PLXDC2: variants seen among roughly 807,000 people sequenced by gnomAD.
PLXDC2 encodes the protein plexin domain containing 2, also known as plexin domain-containing protein 2.
Under a neutral mutation model 68.9 loss-of-function variants are expected in PLXDC2, and 40 were observed. That is an observed-to-expected ratio of 0.58 (90% CI 0.45 to 0.76). PLXDC2 has a LOEUF of 0.76. Among genes scored for constraint, PLXDC2 ranks in the 30% least tolerant of loss-of-function variants. The pLI is 0.00. For synonymous variants in PLXDC2, 243 were observed against 234.2 expected, an observed-to-expected ratio of 1.04 and a Z score of -0.34; for missense variants, 644 against 661.9, an observed-to-expected ratio of 0.97 and a Z score of 0.30.
intron 1 of PLXDC2, among the ~76,000 whole-genome samples, chr10:19,827,848 C>T (rs950285396): frequency 2.0e-5 from 3 of 152,146 alleles, no homozygotes; most frequent in Non-Finnish European, 4.4e-5. Flanking sequence ...CATGAGCCAC[C>T]GCGCCCAGCC....
intron 4 of PLXDC2, among the ~76,000 whole-genome samples, chr10:20,118,516 A>T (rs1833652115): frequency 1.3e-5 from 2 of 152,204 alleles, no homozygotes; most frequent in East Asian, 1.9e-4. Context: ...GACCAATAGG[A>T]CATGTCAGGA....
chr10:20,118,127 CACACA>C (rs765351514), intron 4 of PLXDC2, among the ~76,000 whole-genome samples: 4,009 of 151,914 alleles, frequency 0.026, 76 homozygotes, highest in South Asian at 0.072. Context: ...CACACACACA[CACACA>C]CACACAGACA....
At position 19,935,431 on chromosome 10, in the gene PLXDC2, TC is replaced by T. The variant is rs529681583; in HGVS notation, c.113-66342del. Among the ~76,000 whole-genome samples, 148 of 152,296 alleles carry T rather than the reference TC, an allele frequency of 9.7e-4. 1 individual carries two copies. Among genetic ancestry groups the T allele is most frequent in the African/African-American group, 3.5e-3 (146 of 41,570 alleles). The stretch of plus-strand genomic sequence containing the variant: ...AACCCAAGGATGCATGAGCTCCAGC[TC>T]CTCACCTTTCATCTTAGAGAGAAAT... On this transcript the variant is annotated intron_variant, in intron 1 of 13. Coordinates refer to ENST00000377252, the MANE Select transcript of PLXDC2 (RefSeq NM_032812.9).
At chr10:20,081,577 T>C (rs1350607126) in intron 4 of PLXDC2, among the ~76,000 whole-genome samples, 3 of 152,130 alleles carry the variant, frequency 2.0e-5, no homozygotes, top group Admixed American at 6.5e-5. Context: ...AACTGACAGA[T>C]GTCAAACTAG....
At chr10:20,079,787 G>T (rs1836518752) in intron 4 of PLXDC2, among the ~76,000 whole-genome samples, 1 of 152,088 alleles carries the variant, frequency 6.6e-6, no homozygotes, top group Admixed American at 6.6e-5. Context: ...CCGTCAGGGG[G>T]TAGGGGACAA....
intron 13 of PLXDC2, among the ~76,000 whole-genome samples, chr10:20,278,394 A>C (rs1403430855): frequency 6.6e-6 from 1 of 152,142 alleles, no homozygotes; most frequent in Admixed American, 6.5e-5. Context: ...CCACCTCCCT[A>C]GAGGTGCTTA....
chr10:19,911,813 A>G (rs1833276743), intron 1 of PLXDC2, among the ~76,000 whole-genome samples: 1 of 152,190 alleles, frequency 6.6e-6, no homozygotes, highest in Non-Finnish European at 1.5e-5. Context: ...CAATGAAAAT[A>G]TATTACAATT....
intron 1 of PLXDC2, among the ~76,000 whole-genome samples, chr10:19,872,866 T>A (rs2131344156): frequency 6.6e-6 from 1 of 152,272 alleles, no homozygotes; most frequent in South Asian, 2.1e-4. Context: ...GACACGCTTT[T>A]AAATTTTCTC....
At chr10:20,063,095 C>T (rs956688250) in intron 3 of PLXDC2, among the ~76,000 whole-genome samples, 11 of 151,864 alleles carry the variant, frequency 7.2e-5, no homozygotes, top group African/African-American at 1.9e-4. Context: ...GCCCCTCAAA[C>T]GTAATTATTT....
At chr10:20,012,541 G>A (rs1835138656) in intron 2 of PLXDC2, among the ~76,000 whole-genome samples, 1 of 151,116 alleles carries the variant, frequency 6.6e-6, no homozygotes, top group South Asian at 2.1e-4. Context: ...GGCCAGGCTG[G>A]TCTCACACTC....
At chr10:20,127,731 T>C (rs1024796743) in intron 4 of PLXDC2, among the ~76,000 whole-genome samples, 30 of 152,268 alleles carry the variant, frequency 2.0e-4, no homozygotes, top group African/African-American at 6.5e-4. Context: ...GGAACATGTC[T>C]GTAGTCCCAG....
intron 1 of PLXDC2, among the ~76,000 whole-genome samples, chr10:19,874,919 G>T (rs1398271080): frequency 6.6e-6 from 1 of 152,120 alleles, no homozygotes; most frequent in Non-Finnish European, 1.5e-5. Flanking sequence ...CGAGGTTCTT[G>T]TGCAAGGCTA....
At chr10:20,024,108 C>T (rs954881279) in intron 2 of PLXDC2, among the ~76,000 whole-genome samples, 1 of 152,246 alleles carries the variant, frequency 6.6e-6, no homozygotes, top group Non-Finnish European at 1.5e-5. Context: ...GTTTCCAAGG[C>T]AATCTGCTTA....
chr10:20,137,585 C>T (rs929449176), intron 4 of PLXDC2, among the ~76,000 whole-genome samples: 3 of 152,318 alleles, frequency 2.0e-5, no homozygotes, highest in African/African-American at 7.2e-5. Context: ...TGCTCTAAGG[C>T]ATAGGTGCTG....
chr10:20,270,009 C>T (rs926906204), intron 13 of PLXDC2, among the ~76,000 whole-genome samples: 1 of 141,762 alleles, frequency 7.1e-6, no homozygotes, highest in African/African-American at 2.7e-5. Context: ...CAGAGACAGG[C>T]TCCATCAAAA....
At chr10:20,219,831 G>A (rs1835186970) in intron 12 of PLXDC2, among the ~76,000 whole-genome samples, 1 of 152,120 alleles carries the variant, frequency 6.6e-6, no homozygotes, top group Non-Finnish European at 1.5e-5. Context: ...TTATGTAAAT[G>A]TGAGCACATT....
intron 2 of PLXDC2, among the ~76,000 whole-genome samples, chr10:20,029,353 C>G (rs990063154): frequency 6.6e-6 from 1 of 152,086 alleles, no homozygotes; most frequent in Non-Finnish European, 1.5e-5. Context: ...CATACATAAT[C>G]CATGCATCAT....
chr10:20,074,996 C>T (rs1055213625), intron 4 of PLXDC2, among the ~76,000 whole-genome samples: 1 of 152,084 alleles, frequency 6.6e-6, no homozygotes. Context: ...TTTAAAGTTA[C>T]AAACTCAAGT....
chr10:19,933,283 G>C (rs1018788582), intron 1 of PLXDC2, among the ~76,000 whole-genome samples: 2 of 152,144 alleles, frequency 1.3e-5, no homozygotes, highest in Non-Finnish European at 2.9e-5. Context: ...TGTGGAAATA[G>C]AAAAGTTAAT....
Sources: allele counts gnomAD v4.1 joint callset (sites outside exome capture counted in the v4.1 genomes callset), GRCh38; gene constraint gnomAD v4.1.1; transcripts MANE v1.5; gene names NCBI Gene and HGNC (gene_info 2026-07-23, HGNC 2026-07-21).